UTY: variants seen among roughly 807,000 people sequenced by gnomAD.
UTY encodes the protein histone demethylase UTY.
Under a neutral mutation model 32.5 loss-of-function variants are expected in UTY, and 12 were observed. That is an observed-to-expected ratio of 0.37 (90% CI 0.24 to 0.60). The LOEUF (loss-of-function observed/expected upper bound fraction) is 0.60, where lower values mean the gene tolerates loss of function less well. Ranked by LOEUF, UTY falls within the 20% of genes least tolerant of loss-of-function variation. UTY has a pLI of 0.69. For synonymous variants in UTY, 131 were observed against 103.4 expected (o/e 1.27, Z -1.62); for missense variants, 303 against 299.2 (o/e 1.01, Z -0.09).
intron 21 of UTY, among the ~76,000 whole-genome samples, chrY:13,311,519 C>G: frequency 3.6e-5 from 1 of 27,647 alleles, no homozygotes; most frequent in Non-Finnish European, 8.5e-5. Context: ...GGCGTGAACC[C>G]GGGAGGCGGA....
intron 18 of UTY, among the ~76,000 whole-genome samples, chrY:13,334,008 A>G (rs770986354): frequency 7.3e-3 from 248 of 33,767 alleles, no homozygotes; most frequent in African/African-American, 0.028. Flanking sequence ...GCCGCTCTTC[A>G]GTAAGTTAAA....
intron 13 of UTY, 96 bp from the exon 14 acceptor site, chrY:13,358,715 G>A: frequency 1.1e-5 from 2 of 177,196 alleles, no homozygotes; most frequent in Non-Finnish European, 1.7e-5. Flanking sequence ...AACACTATGC[G>A]GACATCATTG....
intron 6 of UTY, among the ~76,000 whole-genome samples, chrY:13,400,501 G>T: frequency 3.0e-5 from 1 of 32,803 alleles, no homozygotes. Context: ...GTGTTTGCAG[G>T]GACCTTAGCT....
chrY:13,307,655 A>C, intron 21 of UTY, among the ~76,000 whole-genome samples: 1 of 33,623 alleles, frequency 3.0e-5, no homozygotes, highest in African/African-American at 1.2e-4. Context: ...AAAAGAAAAA[A>C]GTATTGACAC....
At chrY:13,455,487 C>A in intron 3 of UTY, among the ~76,000 whole-genome samples, 1 of 33,144 alleles carries the variant, frequency 3.0e-5, no homozygotes, top group Non-Finnish European at 7.4e-5. Flanking sequence ...CACCAAAACA[C>A]TTCCAACACG....
At chrY:13,440,318 A>G in intron 4 of UTY, among the ~76,000 whole-genome samples, 1 of 33,618 alleles carries the variant, frequency 3.0e-5, no homozygotes, top group African/African-American at 1.2e-4. Flanking sequence ...TAAGTAGATG[A>G]GTAAAGTAGA....
At chrY:13,321,382 T>C in intron 21 of UTY, among the ~76,000 whole-genome samples, 4 of 33,314 alleles carry the variant, frequency 1.2e-4, no homozygotes, top group African/African-American at 4.7e-4. Context: ...TGAAATGCTT[T>C]CTCCAAAATA....
At chrY:13,266,313 A>G (rs2055781259) in intron 27 of UTY, among the ~76,000 whole-genome samples, 1 of 32,985 alleles carries the variant, frequency 3.0e-5, no homozygotes, top group East Asian at 7.8e-4. Context: ...AGGTGTTTAT[A>G]GTATTCTCTG....
chrY:13,332,878 T>C, intron 18 of UTY, among the ~76,000 whole-genome samples: 1 of 33,832 alleles, frequency 3.0e-5, no homozygotes, highest in Admixed American at 2.7e-4. Flanking sequence ...TATAAGCTGA[T>C]ATGCAACTTC....
At chrY:13,300,508 T>C (rs2148742495) in intron 25 of UTY, among the ~76,000 whole-genome samples, 1 of 33,145 alleles carries the variant, frequency 3.0e-5, no homozygotes, top group South Asian at 6.8e-4. Context: ...TTTCTTGCAC[T>C]TGGGAGTCGG....
downstream of UTY, among the ~76,000 whole-genome samples, chrY:13,234,420 ACT>A (rs2053832392): frequency 6.0e-5 from 2 of 33,606 alleles, no homozygotes. Context: ...CCAGGTCTGG[ACT>A]CTCTGAAGGG....
intron 25 of UTY, chrY:13,300,137 G>C: frequency 1.4e-5 from 1 of 72,657 alleles, no homozygotes; most frequent in Non-Finnish European, 2.1e-5. Context: ...GTTGACTTAA[G>C]GCAGCTGAAA....
chrY:13,362,927 T>C (rs2063699781), intron 10 of UTY, among the ~76,000 whole-genome samples: 11 of 31,695 alleles, frequency 3.5e-4, no homozygotes, highest in Admixed American at 3.2e-3. Flanking sequence ...TTTTTTGACA[T>C]AGAGTCTCAC....
intron 27 of UTY, among the ~76,000 whole-genome samples, chrY:13,265,083 C>T: frequency 3.0e-5 from 1 of 33,125 alleles, no homozygotes; most frequent in African/African-American, 1.2e-4. Flanking sequence ...GGCTTCTGTT[C>T]GGTTTCATTC....
intron 21 of UTY, among the ~76,000 whole-genome samples, chrY:13,312,234 A>T: frequency 3.4e-5 from 1 of 29,518 alleles, no homozygotes; most frequent in East Asian, 8.7e-4. Flanking sequence ...CTACTAAAAA[A>T]TACAAAAAAT....
At chrY:13,443,749 C>T in intron 4 of UTY, among the ~76,000 whole-genome samples, 1 of 33,748 alleles carries the variant, frequency 3.0e-5, no homozygotes, top group Non-Finnish European at 7.3e-5. Context: ...GGAAAATTTA[C>T]AGCACTAAAT....
chrY:13,301,931 G>T, intron 25 of UTY, among the ~76,000 whole-genome samples: 4 of 33,637 alleles, frequency 1.2e-4, no homozygotes, highest in Admixed American at 1.1e-3. Context: ...ATTATTTCTT[G>T]CCAGTAGGTA....
At chrY:13,401,917 A>G in intron 6 of UTY, among the ~76,000 whole-genome samples, 1 of 33,182 alleles carries the variant, frequency 3.0e-5, no homozygotes, top group Non-Finnish European at 7.4e-5. Flanking sequence ...ACAGCACTTC[A>G]GTACTATTTT....
intron 4 of UTY, among the ~76,000 whole-genome samples, chrY:13,422,573 C>G (rs781720023): frequency 7.1e-4 from 24 of 33,662 alleles, no homozygotes; most frequent in African/African-American, 2.8e-3. Context: ...AAAAAAGAAT[C>G]ATTAAAGAGA....
Sources: gnomAD v4.1 joint callset for allele counts (sites outside exome capture counted in the v4.1 genomes callset) on GRCh38, gnomAD v4.1.1 for gene constraint, MANE v1.5 for transcripts, NCBI Gene and HGNC (gene_info 2026-07-23, HGNC 2026-07-21) for gene names.